NELL1: variants seen among roughly 807,000 people sequenced by gnomAD.
NELL1 encodes protein kinase C-binding protein NELL1.
Under a neutral mutation model 107.4 loss-of-function variants are expected in NELL1, and 76 were observed. The ratio of observed to expected loss-of-function variants is 0.71; its 90% CI spans 0.59 to 0.86. NELL1 has a LOEUF of 0.86. Ranked by LOEUF, NELL1 falls within the 40% of genes least tolerant of loss-of-function variation. The probability of loss-of-function intolerance (pLI) is 0.00; values close to 1 mark genes in which losing one functional copy is unlikely to be tolerated. For synonymous variants in NELL1, 353 were observed against 341.2 expected, an observed-to-expected ratio of 1.03 and a Z score of -0.38; for missense variants, 1,024 against 1,005.5, an observed-to-expected ratio of 1.02 and a Z score of -0.25.
At chr11:20,908,967 A>G (rs1202113662) in intron 5 of NELL1, among the ~76,000 whole-genome samples, 2 of 152,346 alleles carry the variant, frequency 1.3e-5, no homozygotes, top group Non-Finnish European at 2.9e-5. Flanking sequence ...AAAACTTGGT[A>G]TATGTATCCA....
chr11:20,864,642 C>G (rs753458660), intron 4 of NELL1, among the ~76,000 whole-genome samples: 1 of 150,644 alleles, frequency 6.6e-6, no homozygotes, highest in African/African-American at 2.5e-5. Context: ...TGGCCTCTAC[C>G]TGTCTGCCTG....
intron 13 of NELL1, among the ~76,000 whole-genome samples, chr11:21,172,147 C>A (rs544677130): frequency 6.6e-6 from 1 of 151,780 alleles, no homozygotes; most frequent in African/African-American, 2.4e-5. Flanking sequence ...ACCTATTGAA[C>A]GCCACAGGGT....
rs531321043 is a variant in NELL1, at chr11:20,957,924, C to G, written c.1172-2508C>G. On this transcript the variant is annotated intron_variant, in intron 11 of 19. Coordinates refer to ENST00000357134, the MANE Select transcript of NELL1 (RefSeq NM_006157.5). ...CAGATGAGAGCTTGAGAAGAAAGAACATTTATCTAATTGGAATTCCACAAA... is the reference window on the plus strand; with the variant it reads ...CAGATGAGAGCTTGAGAAGAAAGAAGATTTATCTAATTGGAATTCCACAAA... 2.0e-5 allele frequency among the ~76,000 whole-genome samples: 3 copies of G among 152,132 alleles called. No individual in the cohort carries two copies. The South Asian group carries it at 6.2e-4, about 32-fold the overall frequency.
At position 20,669,611 on chromosome 11, in the gene NELL1, C is replaced by A. The variant is rs1441484811; in HGVS notation, c.-113C>A. The A allele has an allele frequency of 6.7e-6, 6 of 900,482 alleles. No homozygotes were observed. The highest frequency in any genetic ancestry group is 1.5e-5 in the South Asian group (1 of 66,168). The allele number at this position is 900,482 out of a possible 1,614,324, so 55.8% of individuals were successfully genotyped here. A position where few individuals can be genotyped will look rare whatever the true frequency, so the allele number is the denominator to read the frequency against. On this transcript the variant is annotated 5_prime_UTR_variant, in exon 1 of 20. Transcript: ENST00000357134. This position sits in a 1 kb window ranked among gnomAD's most constrained non-coding sequence, Gnocchi z 4.4. ...ACCCGGCGCTGCCGAGCCACCTCCCCCGCCGCCCGCTAGCAAGTTTGGCGG... is the reference window on the plus strand; with the variant it reads ...ACCCGGCGCTGCCGAGCCACCTCCCACGCCGCCCGCTAGCAAGTTTGGCGG...
At chr11:20,737,332 A>T (rs958045751) in intron 2 of NELL1, among the ~76,000 whole-genome samples, 12 of 152,130 alleles carry the variant, frequency 7.9e-5, no homozygotes, top group African/African-American at 2.9e-4. Context: ...TTTCAGATAT[A>T]TCTGAGTTAG....
intron 16 of NELL1, among the ~76,000 whole-genome samples, chr11:21,555,770 A>G (rs1271404991): frequency 6.6e-6 from 1 of 151,884 alleles, no homozygotes; most frequent in Non-Finnish European, 1.5e-5. Context: ...TTGTCTTTTC[A>G]GGCTGAACAT....
intron 12 of NELL1, among the ~76,000 whole-genome samples, chr11:21,111,057 TG>T (rs1387089780): frequency 6.6e-6 from 1 of 152,154 alleles, no homozygotes; most frequent in Non-Finnish European, 1.5e-5. Context: ...CTTTTCTGTC[TG>T]GTAGGTTATT....
chr11:21,546,714 T>G (rs1241163554), intron 16 of NELL1, among the ~76,000 whole-genome samples: 1 of 152,170 alleles, frequency 6.6e-6, no homozygotes, highest in East Asian at 1.9e-4. Context: ...CTCTTTTCTT[T>G]GTAAATTACG....
chr11:21,249,769 G>C (rs963034531), intron 14 of NELL1, among the ~76,000 whole-genome samples: 3 of 152,108 alleles, frequency 2.0e-5, no homozygotes, highest in African/African-American at 7.2e-5. Flanking sequence ...GAGGAAATAG[G>C]AATCATCACA....
At chr11:21,220,843 A>G (rs1350636678) in intron 13 of NELL1, among the ~76,000 whole-genome samples, 1 of 152,038 alleles carries the variant, frequency 6.6e-6, no homozygotes, top group African/African-American at 2.4e-5. Flanking sequence ...CTTTTTTCCT[A>G]TGTGGATTCC....
chr11:20,991,774 A>G (rs1235116396), intron 12 of NELL1, among the ~76,000 whole-genome samples: 1 of 152,146 alleles, frequency 6.6e-6, no homozygotes, highest in African/African-American at 2.4e-5. Context: ...GCTAGTCCAC[A>G]CTGACTTTCC....
chr11:20,933,797 A>G (rs543862616), intron 9 of NELL1, among the ~76,000 whole-genome samples: 15 of 152,364 alleles, frequency 9.8e-5, no homozygotes, highest in African/African-American at 3.6e-4. Flanking sequence ...TCATTGCACC[A>G]GAAAAATCAA....
chr11:21,236,796 C>A, intron 14 of NELL1, among the ~76,000 whole-genome samples: 1 of 152,094 alleles, frequency 6.6e-6, no homozygotes, highest in East Asian at 1.9e-4. Flanking sequence ...ACTGAACATG[C>A]TGGACGGTCA....
intron 5 of NELL1, among the ~76,000 whole-genome samples, chr11:20,908,621 C>T (rs925344311): frequency 3.9e-5 from 6 of 151,924 alleles, no homozygotes; most frequent in African/African-American, 7.3e-5. Flanking sequence ...CCATGGCACA[C>T]GTATACCTAT....
At chr11:21,082,520 T>A (rs1237217756) in intron 12 of NELL1, among the ~76,000 whole-genome samples, 1 of 152,062 alleles carries the variant, frequency 6.6e-6, no homozygotes, top group Non-Finnish European at 1.5e-5. Flanking sequence ...CTCCAATCCA[T>A]CCTCTCTATA....
At chr11:20,819,210 G>A (rs1229460221) in intron 3 of NELL1, among the ~76,000 whole-genome samples, 2 of 152,176 alleles carry the variant, frequency 1.3e-5, no homozygotes, top group Non-Finnish European at 2.9e-5. Context: ...AATGCTGCAT[G>A]TACAGCATTG....
chr11:21,484,886 C>T (rs4488190), intron 15 of NELL1, among the ~76,000 whole-genome samples: 135,298 of 152,084 alleles, frequency 0.89, 60,277 homozygotes, highest in East Asian at 0.97. Flanking sequence ...AGCAAGTAGA[C>T]AGTCACAGTT....
intron 2 of NELL1, among the ~76,000 whole-genome samples, chr11:20,691,011 T>C (rs1170498717): frequency 4.6e-5 from 7 of 152,054 alleles, no homozygotes; most frequent in Non-Finnish European, 8.8e-5. Context: ...CCCTTTTAAG[T>C]TGGATTCCTA....
intron 12 of NELL1, among the ~76,000 whole-genome samples, chr11:21,048,035 C>T (rs1853399453): frequency 6.6e-6 from 1 of 152,168 alleles, no homozygotes; most frequent in South Asian, 2.1e-4. Flanking sequence ...CCCTATAAGG[C>T]ATTTCTTGTA....
Sources: allele counts gnomAD v4.1 joint callset (sites outside exome capture counted in the v4.1 genomes callset), GRCh38; gene constraint gnomAD v4.1.1; non-coding constraint Gnocchi (gnomAD v3.1); transcripts MANE v1.5; gene names NCBI Gene and HGNC (gene_info 2026-07-23, HGNC 2026-07-21).